Variants in MRC1 observed in about 807,000 individuals in gnomAD.
MRC1 encodes the protein macrophage mannose receptor 1.
In MRC1, 62 loss-of-function variants were observed where a neutral mutation model predicts 102.9. The observed-to-expected ratio is 0.60, with a 90% CI of 0.49 to 0.74. The LOEUF is 0.74. MRC1 is among the 30% of genes least tolerant of loss of function. The probability of loss-of-function intolerance (pLI) is 0.00; values close to 1 mark genes in which losing one functional copy is unlikely to be tolerated. For missense variants in MRC1, 1,237 were observed against 862.8 expected, an observed-to-expected ratio of 1.43 and a Z score of -5.43; for synonymous variants, 457 against 298.4, an observed-to-expected ratio of 1.53 and a Z score of -5.48.
At chr10:17,811,034 C>G (rs1259354417) in intron 1 of MRC1, among the ~76,000 whole-genome samples, 4 of 152,190 alleles carry the variant, frequency 2.6e-5, no homozygotes, top group African/African-American at 4.8e-5. Flanking sequence ...CTCAAGTGAT[C>G]TGCCCTCCTC....
At chr10:17,905,743 A>G (rs1833886292) in intron 26 of MRC1, among the ~76,000 whole-genome samples, 2 of 152,176 alleles carry the variant, frequency 1.3e-5, no homozygotes, top group African/African-American at 2.4e-5. Context: ...ATACAGGCAT[A>G]TGGTTAGGTA....
chr10:17,888,423 T>C (rs1833629948), intron 22 of MRC1, among the ~76,000 whole-genome samples: 1 of 152,180 alleles, frequency 6.6e-6, no homozygotes. Flanking sequence ...GCTCAAGGGA[T>C]GGGTTAAAGA....
At chr10:17,859,990 C>A (rs979609822) in intron 9 of MRC1, among the ~76,000 whole-genome samples, 1 of 152,182 alleles carries the variant, frequency 6.6e-6, no homozygotes, top group Admixed American at 6.5e-5. Context: ...AAGGGGTTAC[C>A]GGGGTTACTG....
chr10:17,856,973 T>C (rs1482832528), intron 9 of MRC1, among the ~76,000 whole-genome samples: 5 of 152,336 alleles, frequency 3.3e-5, no homozygotes, highest in Non-Finnish European at 7.3e-5. Context: ...TTTATGGTTA[T>C]CATTTTCCTG....
At chr10:17,834,979 T>C (rs1214983480) in intron 4 of MRC1, among the ~76,000 whole-genome samples, 2 of 152,218 alleles carry the variant, frequency 1.3e-5, no homozygotes, top group Non-Finnish European at 2.9e-5. Context: ...AAACCCCTTG[T>C]GGCTTCTCAT....
At chr10:17,815,048 C>T (rs1418038330) in intron 1 of MRC1, among the ~76,000 whole-genome samples, 1 of 152,086 alleles carries the variant, frequency 6.6e-6, no homozygotes, top group Non-Finnish European at 1.5e-5. Context: ...GTCTGTACGA[C>T]TGATTTTGCC....
At chr10:17,872,177 G>A in intron 15 of MRC1, 51 bp downstream of exon 15, 1 of 779,692 alleles carries the variant, frequency 1.3e-6, no homozygotes, top group South Asian at 1.3e-5. Context: ...CTAACCTCCT[G>A]ACACCCCAGA....
At chr10:17,832,434 C>G (rs1030092812) in intron 3 of MRC1, among the ~76,000 whole-genome samples, 1 of 148,626 alleles carries the variant, frequency 6.7e-6, no homozygotes, top group Non-Finnish European at 1.5e-5. Context: ...GTGTGCCTGT[C>G]GTCCCAGCTG....
chr10:17,831,097 C>T (rs1838564908), intron 3 of MRC1, among the ~76,000 whole-genome samples: 2 of 149,712 alleles, frequency 1.3e-5, no homozygotes, highest in South Asian at 2.1e-4. Flanking sequence ...GGAGTTTCAC[C>T]ATGTTGGTCA....
intron 5 of MRC1, 104 bp downstream of exon 5, chr10:17,840,910 G>T: frequency 1.3e-6 from 1 of 771,774 alleles, no homozygotes; most frequent in Non-Finnish European, 2.4e-6. Flanking sequence ...GAAGAATTGG[G>T]AGACTTCATC....
intron 7 of MRC1, among the ~76,000 whole-genome samples, chr10:17,852,471 C>T (rs1186469074): frequency 5.9e-5 from 9 of 152,040 alleles, no homozygotes; most frequent in Non-Finnish European, 1.2e-4. Flanking sequence ...CTAGAATGTT[C>T]TTGATAACAA....
intron 5 of MRC1, among the ~76,000 whole-genome samples, chr10:17,843,277 A>C (rs1462293618): frequency 1.3e-5 from 2 of 152,200 alleles, no homozygotes; most frequent in African/African-American, 4.8e-5. Context: ...CTGTTAGTTC[A>C]GTTATCCTGT....
At chr10:17,878,510 G>A (rs1833468132) in intron 18 of MRC1, among the ~76,000 whole-genome samples, 1 of 152,074 alleles carries the variant, frequency 6.6e-6, no homozygotes, top group Non-Finnish European at 1.5e-5. Flanking sequence ...TACATTTTAT[G>A]TTCTTTTTTC....
intron 12 of MRC1, among the ~76,000 whole-genome samples, chr10:17,867,270 T>C: frequency 7.3e-6 from 1 of 137,334 alleles, no homozygotes. Flanking sequence ...TTCCTCCTCC[T>C]CCTCTTCTTC....
intron 22 of MRC1, among the ~76,000 whole-genome samples, chr10:17,885,997 G>A (rs916368048): frequency 1.3e-5 from 2 of 151,960 alleles, no homozygotes; most frequent in South Asian, 4.2e-4. Flanking sequence ...ACCATGTTAG[G>A]GATTATAAAA....
Position 17,849,450 on chromosome 10 carries a change from A to C in MRC1, c.1064-129A>C, listed in dbSNP as rs1360711231. ...GAATATGTATGCTGCGAAAATAAAA[A>C]CTAAATGTTACCTTTATTTGCCTAG... On this transcript the variant is annotated intron_variant, in intron 6 of 29. Transcript: ENST00000569591. 9.9e-6 allele frequency: 6 copies of C among 608,754 alleles called. No individual in the cohort carries two copies. The African/African-American group carries it at 1.1e-4, about 11-fold the overall frequency. The allele number at this position is 608,754 out of a possible 1,614,324, so 37.7% of individuals were successfully genotyped here.
At chr10:17,852,260 G>A (rs1029198950) in intron 7 of MRC1, among the ~76,000 whole-genome samples, 2 of 151,870 alleles carry the variant, frequency 1.3e-5, no homozygotes, top group Admixed American at 6.6e-5. Context: ...GGTTGTTTTC[G>A]TTTTACCCTC....
At chr10:17,870,782 C>T in intron 13 of MRC1, 66 bp from the exon 14 acceptor site, 1 of 855,492 alleles carries the variant, frequency 1.2e-6, no homozygotes, top group Middle Eastern at 2.2e-4. Flanking sequence ...TGTGGTTAGT[C>T]CTCATAAGTT....
intron 8 of MRC1, among the ~76,000 whole-genome samples, chr10:17,855,310 G>A (rs1453403127): frequency 2.6e-5 from 4 of 152,120 alleles, no homozygotes; most frequent in East Asian, 3.9e-4. Context: ...AGTGGCTCAC[G>A]CCTGTGATCC....
Sources: allele counts gnomAD v4.1 joint callset (sites outside exome capture counted in the v4.1 genomes callset), GRCh38; gene constraint gnomAD v4.1.1; transcripts MANE v1.5; gene names NCBI Gene and HGNC (gene_info 2026-07-23, HGNC 2026-07-21).